ARHGEF7: variants seen among roughly 807,000 people sequenced by gnomAD.
ARHGEF7 encodes PAK-interacting exchange factor beta.
In ARHGEF7, 33 loss-of-function variants were observed where a neutral mutation model predicts 109.8. The observed-to-expected ratio is 0.30, with a 90% CI of 0.23 to 0.40. ARHGEF7 has a LOEUF of 0.40. ARHGEF7 is among the 10% of genes least tolerant of loss of function. ARHGEF7 has a pLI of 1.00. For synonymous variants in ARHGEF7, 458 were observed against 424.6 expected (o/e 1.08, Z -0.97); for missense variants, 938 against 1,098.5 (o/e 0.85, Z 2.07).
intron 8 of ARHGEF7, among the ~76,000 whole-genome samples, chr13:111,261,832 G>A (rs1357459822): frequency 6.6e-6 from 1 of 152,158 alleles, no homozygotes; most frequent in East Asian, 1.9e-4. Context: ...AAACTATGCA[G>A]ACACATGGAA....
In ARHGEF7 at chr13:111,166,557, C is replaced by G. The variant is rs532735161; in HGVS notation, c.252+12566C>G. On this transcript the variant is annotated intron_variant, in intron 2 of 21. Coordinates refer to ENST00000646102, the MANE Select transcript of ARHGEF7 (RefSeq NM_001354046.2). Reference sequence around the variant, plus strand: ...ACCACAGTCCCGTCAGCATAGGTAGCAGGAGAGACTGAATTCTAGTTTTTA... The same window carrying G: ...ACCACAGTCCCGTCAGCATAGGTAGGAGGAGAGACTGAATTCTAGTTTTTA... Among the ~76,000 whole-genome samples, 121 of 152,270 alleles carry G rather than the reference C, an allele frequency of 7.9e-4. 1 individual carries two copies. The highest frequency in any genetic ancestry group is 2.8e-3 in the African/African-American group (117 of 41,548).
chr13:111,167,251 C>T (rs1453812221), intron 2 of ARHGEF7, among the ~76,000 whole-genome samples: 2 of 152,086 alleles, frequency 1.3e-5, no homozygotes, highest in Admixed American at 1.3e-4. Context: ...GCTATTTGTA[C>T]GTGAGCTTAG....
intron 5 of ARHGEF7, 49 bp downstream of exon 5, chr13:111,217,929 A>G (rs1203947414): frequency 6.5e-7 from 1 of 1,535,848 alleles, no homozygotes; most frequent in African/African-American, 1.4e-5. Flanking sequence ...ATGAGCAGAA[A>G]GAAGTAAATG....
At chr13:111,174,729 G>A (rs1188763412) in intron 2 of ARHGEF7, among the ~76,000 whole-genome samples, 7 of 152,174 alleles carry the variant, frequency 4.6e-5, no homozygotes, top group African/African-American at 1.4e-4. Context: ...TCCACACCCC[G>A]TGCCTCAGCT....
intron 1 of ARHGEF7, among the ~76,000 whole-genome samples, chr13:111,123,826 C>T (rs1050947554): frequency 2.4e-4 from 35 of 146,890 alleles, no homozygotes; most frequent in African/African-American, 6.9e-4. Flanking sequence ...AGCTCCAGAG[C>T]GGCTGGTAAC....
intron 8 of ARHGEF7, among the ~76,000 whole-genome samples, chr13:111,254,498 G>A (rs1346726033): frequency 3.5e-5 from 5 of 140,876 alleles, no homozygotes; most frequent in Admixed American, 6.9e-5. Context: ...AAGAGGATTC[G>A]GGCTAAGGCG....
rs1437921313 is a variant in ARHGEF7, at chr13:111,292,269, T to C, written c.2286T>C (p.His762=). The change falls in exon 19 of 22, where the codon CAT becomes CAC. Residue 762 remains histidine, a synonymous_variant. Coordinates refer to ENST00000646102, the MANE Select transcript of ARHGEF7 (RefSeq NM_001354046.2). ...ACTATGACAGTATATGGACAGCCCA[T>C]AGTTACAGAATGGGTTCTACATCTC... The part of the protein sequence containing the change: ...DSDYDSIWTA[H]SYRMGSTSRS... The C allele has an allele frequency of 1.2e-6, 2 of 1,614,094 alleles. No individual in the cohort carries two copies. Among genetic ancestry groups the C allele is most frequent in the Non-Finnish European group, 1.7e-6 (2 of 1,180,044 alleles).
intron 2 of ARHGEF7, among the ~76,000 whole-genome samples, chr13:111,194,229 T>C (rs1014092089): frequency 2.6e-5 from 4 of 152,208 alleles, no homozygotes; most frequent in Non-Finnish European, 5.9e-5. Context: ...CTCTGATATA[T>C]AAAGAGAAGT....
chr13:111,121,992 C>G (rs890343759), intron 1 of ARHGEF7, among the ~76,000 whole-genome samples: 2 of 152,160 alleles, frequency 1.3e-5, no homozygotes, highest in African/African-American at 4.8e-5. Flanking sequence ...CCATCGTGTC[C>G]AGAAGACTGT....
chr13:111,193,324 A>T (rs1439098435), intron 2 of ARHGEF7, among the ~76,000 whole-genome samples: 4 of 152,120 alleles, frequency 2.6e-5, no homozygotes, highest in African/African-American at 9.7e-5. Flanking sequence ...GGTATTTCTA[A>T]TGGGAGGTTC....
chr13:111,119,998 CTG>C (rs2153314498), intron 1 of ARHGEF7, among the ~76,000 whole-genome samples: 1 of 152,316 alleles, frequency 6.6e-6, no homozygotes, highest in Admixed American at 6.5e-5. Flanking sequence ...TATCTCCAGA[CTG>C]TGTTTTTAAG....
At chr13:111,205,208 T>A in intron 2 of ARHGEF7, 81 bp from the exon 3 acceptor site, 3 of 1,085,668 alleles carry the variant, frequency 2.8e-6, no homozygotes, top group Non-Finnish European at 4.0e-6. Context: ...CTGAGCATCG[T>A]CGCGTTGCTG....
chr13:111,197,759 C>A (rs1408937521), intron 2 of ARHGEF7, among the ~76,000 whole-genome samples: 2 of 152,014 alleles, frequency 1.3e-5, no homozygotes, highest in East Asian at 1.9e-4. Flanking sequence ...GGGCTTTGGG[C>A]AAAAATTATG....
At chr13:111,278,277 C>T (rs1036281441) in intron 13 of ARHGEF7, among the ~76,000 whole-genome samples, 4 of 152,142 alleles carry the variant, frequency 2.6e-5, no homozygotes, top group African/African-American at 7.2e-5. Flanking sequence ...CTGGTATTTT[C>T]GCTGTCTGTC....
intron 8 of ARHGEF7, among the ~76,000 whole-genome samples, chr13:111,263,377 G>A (rs75290007): frequency 0.022 from 3,360 of 152,318 alleles, 128 homozygotes; most frequent in African/African-American, 0.077. Flanking sequence ...TGAATTGTTC[G>A]TTTATAAGCT....
intron 1 of ARHGEF7, among the ~76,000 whole-genome samples, chr13:111,146,762 C>A (rs1244307599): frequency 6.6e-6 from 1 of 152,120 alleles, no homozygotes; most frequent in East Asian, 1.9e-4. Flanking sequence ...GATGATTGTT[C>A]CTGCCCTGGA....
chr13:111,270,060 A>C (rs1426575993), intron 9 of ARHGEF7, among the ~76,000 whole-genome samples: 1 of 152,206 alleles, frequency 6.6e-6, no homozygotes, highest in African/African-American at 2.4e-5. Flanking sequence ...CTTGGGTTTA[A>C]GTTCTAAGTG....
chr13:111,241,089 C>T, intron 6 of ARHGEF7: 2 of 1,470,638 alleles, frequency 1.4e-6, no homozygotes, highest in Admixed American at 2.2e-5. Flanking sequence ...GATTGAGTGG[C>T]ACCAGTGTTT....
At chr13:111,181,228 G>A (rs1396380007) in intron 2 of ARHGEF7, among the ~76,000 whole-genome samples, 1 of 152,178 alleles carries the variant, frequency 6.6e-6, no homozygotes, top group Non-Finnish European at 1.5e-5. Flanking sequence ...TCACATGGGG[G>A]TCTTAGAAGG....
Sources: allele counts gnomAD v4.1 joint callset (sites outside exome capture counted in the v4.1 genomes callset), GRCh38; gene constraint gnomAD v4.1.1; transcripts MANE v1.5; gene names NCBI Gene and HGNC (gene_info 2026-07-23, HGNC 2026-07-21).